Variants in RSF1 observed in about 807,000 individuals in gnomAD.
RSF1 encodes the protein remodeling and spacing factor 1.
RSF1 carries 13 observed loss-of-function variants against 145.2 expected under a neutral mutation model. The ratio of observed to expected loss-of-function variants is 0.09; its 90% CI spans 0.06 to 0.14. The LOEUF is 0.14. Among genes scored for constraint, RSF1 ranks in the 10% least tolerant of loss-of-function variants. The probability of loss-of-function intolerance (pLI) is 1.00; values close to 1 mark genes in which losing one functional copy is unlikely to be tolerated. For synonymous variants in RSF1, 577 were observed against 592.6 expected, an observed-to-expected ratio of 0.97 and a Z score of 0.38; for missense variants, 1,517 against 1,718.2, an observed-to-expected ratio of 0.88 and a Z score of 2.07.
At position 77,683,729 on chromosome 11, in the gene RSF1, T is replaced by C; in HGVS notation, c.3046A>G (p.Arg1016Gly). Residue 1016 changes from arginine (R) to glycine (G), a missense_variant, in exon 11 of 16, where the codon AGG becomes GGG. Coordinates refer to ENST00000308488, the MANE Select transcript of RSF1 (RefSeq NM_016578.4). ...NLLERRSTRT[R>G]KCISYRFDEF... Reference sequence around the variant, plus strand: ...TCATACCTGTAGCTTATACATTTCCTTGTTCTTGTTGACCTCCTTTCAAGC... The same window carrying C: ...TCATACCTGTAGCTTATACATTTCCCTGTTCTTGTTGACCTCCTTTCAAGC... 6.2e-7 allele frequency: 1 copy of C among 1,612,306 alleles called. No homozygotes were observed. Among genetic ancestry groups the C allele is most frequent in the Non-Finnish European group, 8.5e-7 (1 of 1,178,882 alleles).
intron 11 of RSF1, among the ~76,000 whole-genome samples, chr11:77,681,053 C>A (rs1959846128): frequency 6.6e-6 from 1 of 152,142 alleles, no homozygotes; most frequent in South Asian, 2.1e-4. Flanking sequence ...TGAAACATCC[C>A]ACTCTTGCCT....
chr11:77,822,851 T>A (rs1948981475), upstream of RSF1, among the ~76,000 whole-genome samples: 2 of 152,300 alleles, frequency 1.3e-5, no homozygotes, highest in African/African-American at 4.8e-5. Context: ...GCCACTGAAG[T>A]ATACACTTAA....
In RSF1 at chr11:77,747,146, T is replaced by C; in HGVS notation, c.280-18A>G. On this transcript the variant is annotated intron_variant, in intron 2 of 15. Transcript: ENST00000308488. ...TGGCATATCTGTCAGATAAAGTTAA[T>C]ATCTTAATACATGAAAGCAATTTTT... is the stretch of plus-strand genomic sequence containing the variant. 1 of 1,527,022 alleles carries C rather than the reference T, an allele frequency of 6.5e-7. No individual in the cohort carries two copies. The highest frequency in any genetic ancestry group is 1.1e-5 in the South Asian group (1 of 88,226). The allele number at this position is 1,527,022 out of a possible 1,614,324, so 94.6% of individuals were successfully genotyped here.
At chr11:77,744,662 C>A (rs1947980270) in intron 3 of RSF1, among the ~76,000 whole-genome samples, 1 of 152,178 alleles carries the variant, frequency 6.6e-6, no homozygotes, top group African/African-American at 2.4e-5. Context: ...TGGGATAAAT[C>A]CCACTTGATC....
the RSF1 span, among the ~76,000 whole-genome samples, chr11:77,833,434 G>C: frequency 6.6e-6 from 1 of 152,068 alleles, no homozygotes; most frequent in Non-Finnish European, 1.5e-5. Flanking sequence ...TTCACAATAG[G>C]GTTCACGCAT....
At position 77,677,252 on chromosome 11, in the gene RSF1, G is replaced by A. The variant is rs143743541; in HGVS notation, c.3134-253C>T. ...TAAATTTTTATATAATTCACACACCGCAATATTCACCCTCTTAAAGTGTAC... is the reference window on the plus strand; with the variant it reads ...TAAATTTTTATATAATTCACACACCACAATATTCACCCTCTTAAAGTGTAC... On this transcript the variant is annotated intron_variant, in intron 12 of 15. Transcript: ENST00000308488. Among the ~76,000 whole-genome samples, 345 of 152,130 alleles carry A rather than the reference G, an allele frequency of 2.3e-3. 6 individuals are homozygous for A. The highest frequency in any genetic ancestry group is 0.02 in the Admixed American group (310 of 15,258).
intron 1 of RSF1, among the ~76,000 whole-genome samples, chr11:77,783,613 G>A (rs867194242): frequency 3.1e-4 from 47 of 152,214 alleles, no homozygotes; most frequent in Middle Eastern, 6.8e-3. Flanking sequence ...AGGCTGAGGC[G>A]GGCGGATTGC....
At chr11:77,774,677 A>G (rs148756089) in intron 1 of RSF1, among the ~76,000 whole-genome samples, 1 of 151,412 alleles carries the variant, frequency 6.6e-6, no homozygotes, top group Non-Finnish European at 1.5e-5. Flanking sequence ...CTGTAATCCC[A>G]GTACTTTGGA....
chr11:77,859,608 C>T, the RSF1 span, among the ~76,000 whole-genome samples: 3 of 152,200 alleles, frequency 2.0e-5, no homozygotes, highest in South Asian at 6.2e-4. Context: ...GAGGGGATTA[C>T]TTTCAAGTAT....
At chr11:77,842,507 C>A in the RSF1 span, 2 of 1,613,580 alleles carry the variant, frequency 1.2e-6, no homozygotes, top group East Asian at 2.2e-5. Flanking sequence ...ATGACTTCCC[C>A]TGAAATTGCT....
chr11:77,872,213 C>T, the RSF1 span: 5 of 1,613,870 alleles, frequency 3.1e-6, no homozygotes, highest in African/African-American at 1.3e-5. Context: ...AGAAACATGG[C>T]ATTGATGTGC....
chr11:77,820,878 G>T (rs945497650), upstream of RSF1: 1 of 719,732 alleles, frequency 1.4e-6, no homozygotes, highest in Admixed American at 3.0e-5. Context: ...ATACATCGGC[G>T]GCCCGGAGCA....
chr11:77,824,427 TAGG>T (rs1050786501), upstream of RSF1, among the ~76,000 whole-genome samples: 7 of 152,194 alleles, frequency 4.6e-5, no homozygotes, highest in Non-Finnish European at 8.8e-5. Flanking sequence ...CATGTCCTAT[TAGG>T]GGGAAATATT....
chr11:77,711,590 C>T (rs11827357), intron 5 of RSF1, among the ~76,000 whole-genome samples: 27,142 of 151,880 alleles, frequency 0.18, 3,054 homozygotes, highest in African/African-American at 0.3. Context: ...GAATTGCTTG[C>T]ATCTGGGAGG....
chr11:77,766,407 A>T (rs1358918674), intron 1 of RSF1, among the ~76,000 whole-genome samples: 1 of 152,172 alleles, frequency 6.6e-6, no homozygotes, highest in African/African-American at 2.4e-5. Flanking sequence ...CACCCATTCA[A>T]CTACTTTCAG....
intron 14 of RSF1, among the ~76,000 whole-genome samples, chr11:77,674,422 A>C (rs1261735759): frequency 6.6e-6 from 1 of 152,232 alleles, no homozygotes; most frequent in Middle Eastern, 3.2e-3. Context: ...CTGTGGTCTA[A>C]ATGAGAGTTA....
At chr11:77,679,907 G>T (rs1308664179) in intron 11 of RSF1, among the ~76,000 whole-genome samples, 1 of 152,128 alleles carries the variant, frequency 6.6e-6, no homozygotes, top group African/African-American at 2.4e-5. Flanking sequence ...CCAAAAGGAT[G>T]AAGTAACTTG....
chr11:77,677,458 A>C (rs1182736084), intron 12 of RSF1, among the ~76,000 whole-genome samples: 1 of 152,248 alleles, frequency 6.6e-6, no homozygotes, highest in Non-Finnish European at 1.5e-5. Context: ...TTTTAAAAAC[A>C]GTGTTTGCAG....
chr11:77,748,603 T>C (rs1429485062), intron 2 of RSF1, among the ~76,000 whole-genome samples: 5 of 152,160 alleles, frequency 3.3e-5, no homozygotes, highest in Non-Finnish European at 7.3e-5. Context: ...AAAGTGATTA[T>C]ATCAAAAGCT....
Sources: allele counts gnomAD v4.1 joint callset (sites outside exome capture counted in the v4.1 genomes callset), GRCh38; gene constraint gnomAD v4.1.1; transcripts MANE v1.5; gene names NCBI Gene and HGNC (gene_info 2026-07-23, HGNC 2026-07-21).